Variants in WDPCP observed in about 807,000 individuals in gnomAD.
The protein encoded by WDPCP is WD repeat-containing and planar cell polarity effector protein fritz homolog.
Under a neutral mutation model 93.1 loss-of-function variants are expected in WDPCP, and 71 were observed. The ratio of observed to expected loss-of-function variants is 0.76; its 90% CI spans 0.63 to 0.93. The LOEUF (loss-of-function observed/expected upper bound fraction) is 0.93. Among genes scored for constraint, WDPCP ranks in the 40% least tolerant of loss-of-function variants. The probability of loss-of-function intolerance (pLI) is 0.00; values close to 1 mark genes in which losing one functional copy is unlikely to be tolerated. For missense variants in WDPCP, 844 were observed against 887.4 expected (o/e 0.95, Z 0.62); for synonymous variants, 315 against 315.0 (o/e 1.00, Z 0.00).
At chr2:63,149,213 A>T (rs185397735) in intron 17 of WDPCP, among the ~76,000 whole-genome samples, 2 of 152,310 alleles carry the variant, frequency 1.3e-5, no homozygotes, top group African/African-American at 4.8e-5. Flanking sequence ...AAAACATAGG[A>T]ATAGGCATTT....
At chr2:63,666,244 G>A (rs1165220222) in intron 2 of WDPCP, among the ~76,000 whole-genome samples, 2 of 152,050 alleles carry the variant, frequency 1.3e-5, no homozygotes, top group Non-Finnish European at 2.9e-5. Flanking sequence ...TATGTCCTCT[G>A]CCTGGAGATA....
chr2:63,756,718 A>C (rs1177448769), intron 2 of WDPCP, among the ~76,000 whole-genome samples: 1 of 152,188 alleles, frequency 6.6e-6, no homozygotes. Context: ...ACCTCTTAAG[A>C]CTGTGTATAG....
rs532183682 is a variant in WDPCP, at chr2:63,762,140, A to G, written n.308+51482T>C. 1.1e-4 allele frequency among the ~76,000 whole-genome samples: 16 copies of G among 152,306 alleles called. No individual in the cohort carries two copies. The South Asian group carries it at 2.7e-3, about 26-fold the overall frequency. ...GGCATTATGGCCCAAATCAGTGCAA[A>G]TAGCCTCAAACCAAACCACTAAGTC... On this transcript the variant is annotated intron_variant and non_coding_transcript_variant, in intron 2 of 4. Transcript: ENST00000467687.
intron 12 of WDPCP, among the ~76,000 whole-genome samples, chr2:63,371,791 G>A (rs993182400): frequency 2.6e-5 from 4 of 152,076 alleles, no homozygotes; most frequent in African/African-American, 9.7e-5. Flanking sequence ...TTTACCTAAG[G>A]ATTAAAATTT....
At chr2:63,378,158 G>C (rs371351680) in intron 12 of WDPCP, 1 of 541,580 alleles carries the variant, frequency 1.8e-6, no homozygotes, top group Non-Finnish European at 3.3e-6. Context: ...TAAAGAGGAA[G>C]GTATATTAAA....
At chr2:63,489,902 A>C (rs1389236956) in intron 2 of WDPCP, among the ~76,000 whole-genome samples, 2 of 152,120 alleles carry the variant, frequency 1.3e-5, no homozygotes. Flanking sequence ...GCAGTGGAGA[A>C]GCCGAGCAGA....
chr2:63,381,160 G>A (rs1692270175), intron 11 of WDPCP, among the ~76,000 whole-genome samples: 1 of 151,988 alleles, frequency 6.6e-6, no homozygotes, highest in Non-Finnish European at 1.5e-5. Flanking sequence ...GAATGTTTAG[G>A]TGCATTGTAC....
chr2:63,667,016 T>C (rs968239782), intron 2 of WDPCP, among the ~76,000 whole-genome samples: 1 of 52,824 alleles, frequency 1.9e-5, no homozygotes, highest in African/African-American at 1.2e-4. Flanking sequence ...TGGAACCATC[T>C]CCTGGAAACA....
chr2:63,569,832 G>A (rs901639957), intron 1 of WDPCP, among the ~76,000 whole-genome samples: 6 of 152,204 alleles, frequency 3.9e-5, no homozygotes, highest in African/African-American at 1.2e-4. Context: ...GAAGCCCTCA[G>A]AAAGGACTAT....
chr2:63,344,393 C>T (rs1309917306), intron 12 of WDPCP, among the ~76,000 whole-genome samples: 2 of 152,200 alleles, frequency 1.3e-5, no homozygotes, highest in East Asian at 3.9e-4. Context: ...TTTAGCCAGG[C>T]TGCCTGACAT....
At chr2:63,311,965 G>A (rs1378066103) in intron 13 of WDPCP, among the ~76,000 whole-genome samples, 1 of 152,106 alleles carries the variant, frequency 6.6e-6, no homozygotes, top group Non-Finnish European at 1.5e-5. Context: ...ATTGGGGTAA[G>A]TGGCAAAGGT....
At chr2:63,275,210 T>C (rs1015108697) in intron 13 of WDPCP, among the ~76,000 whole-genome samples, 1 of 152,080 alleles carries the variant, frequency 6.6e-6, no homozygotes, top group African/African-American at 2.4e-5. Context: ...GATCATCAAA[T>C]AGATGCAGAA....
chr2:63,174,644 A>G lies in WDPCP; in HGVS notation c.2078+26T>C, dbSNP rs1293512347. ...GGTAATACTAAATACTTTATGGAGC[A>G]ATTTCCTCAGTTCAACATTTCTTAC... On this transcript the variant is annotated intron_variant, in intron 15 of 17. Transcript: ENST00000272321. The G allele has an allele frequency of 4.3e-6, 7 of 1,613,222 alleles. No individual in the cohort carries two copies. In the East Asian group the frequency reaches 8.9e-5, roughly 21 times the overall value.
At chr2:63,329,172 G>A (rs185586207) in intron 12 of WDPCP, among the ~76,000 whole-genome samples, 1 of 152,220 alleles carries the variant, frequency 6.6e-6, no homozygotes, top group African/African-American at 2.4e-5. Flanking sequence ...GAAACTTTGT[G>A]CTCTTTGACT....
intron 1 of WDPCP, among the ~76,000 whole-genome samples, chr2:63,538,115 C>A (rs1226127269): frequency 2.0e-5 from 3 of 151,482 alleles, no homozygotes; most frequent in Non-Finnish European, 4.4e-5. Flanking sequence ...ACATTATGTA[C>A]AATAGAAAAG....
chr2:63,138,699 G>A (rs529979592), intron 17 of WDPCP, among the ~76,000 whole-genome samples: 17 of 152,138 alleles, frequency 1.1e-4, no homozygotes, highest in Non-Finnish European at 2.2e-4. Context: ...TGATCCACCC[G>A]CCTCAGCCTC....
chr2:63,636,312 A>G (rs1483439304), intron 3 of WDPCP, among the ~76,000 whole-genome samples: 2 of 152,260 alleles, frequency 1.3e-5, no homozygotes, highest in Non-Finnish European at 2.9e-5. Flanking sequence ...AATCTTTGTC[A>G]AAATTTTATC....
At chr2:63,722,609 T>G (rs1352958732) in intron 2 of WDPCP, among the ~76,000 whole-genome samples, 18 of 58,554 alleles carry the variant, frequency 3.1e-4, no homozygotes, top group South Asian at 5.8e-4. Context: ...GGGAGGGAGG[T>G]GGGGGGGTCA....
intron 14 of WDPCP, chr2:63,229,046 C>T (rs1166513827): frequency 5.3e-5 from 8 of 152,156 alleles, no homozygotes; most frequent in Non-Finnish European, 1.0e-4. Context: ...TACAGTCCCA[C>T]CAACAGTGTA....
Sources: allele counts gnomAD v4.1 joint callset (sites outside exome capture counted in the v4.1 genomes callset), GRCh38; gene constraint gnomAD v4.1.1; transcripts MANE v1.5; gene names NCBI Gene and HGNC (gene_info 2026-07-23, HGNC 2026-07-21).